ERVW-1: variants seen among roughly 807,000 people sequenced by gnomAD.
ERVW-1 encodes the protein endogenous retrovirus group W member 1, envelope, also known as syncytin-1.
In ERVW-1, 21 loss-of-function variants were observed where a neutral mutation model predicts 16.6. The ratio of observed to expected loss-of-function variants is 1.26; its 90% CI spans 0.90 to 1.82. The LOEUF is 1.82. Among genes scored for constraint, ERVW-1 ranks in the 40% most tolerant of loss-of-function variants. The probability of loss-of-function intolerance (pLI) is 0.00; values close to 1 mark genes in which losing one functional copy is unlikely to be tolerated. For synonymous variants in ERVW-1, 161 were observed against 109.8 expected (o/e 1.47, Z -2.92); for missense variants, 412 against 300.2 (o/e 1.37, Z -2.75).
rs1361089020 is a variant in ERVW-1 at position 92,470,455 on chromosome 7, C to T, written c.-74G>A. On this transcript the variant is annotated 5_prime_UTR_variant, in exon 2 of 2. The change creates a new upstream start codon in the 5' untranslated region. Coordinates refer to ENST00000603053, the MANE Select transcript of ERVW-1 (RefSeq NM_001130925.2). Reference sequence around the variant, plus strand: ...CAGGCGCAAATCCTCTAGAGGTTCACAGGAATAGCTAGCGTTGTCTCCTGG... The same window carrying T: ...CAGGCGCAAATCCTCTAGAGGTTCATAGGAATAGCTAGCGTTGTCTCCTGG... 3 of 617,812 alleles carry T rather than the reference C, an allele frequency of 4.9e-6. No homozygotes were observed. The highest frequency in any genetic ancestry group is 8.8e-6 in the Non-Finnish European group (3 of 341,732). 38.3% of individuals were successfully genotyped at this position (617,812 alleles called of 1,614,324 possible). A position where few individuals can be genotyped will look rare whatever the true frequency, so the allele number is the denominator to read the frequency against.
At chr7:92,473,600 C>T (rs931618270) in intron 1 of ERVW-1, among the ~76,000 whole-genome samples, 4 of 151,988 alleles carry the variant, frequency 2.6e-5, no homozygotes, top group Admixed American at 6.6e-5. Context: ...GAATGTCTCT[C>T]CCTAACAAGG....
At chr7:92,474,904 T>C (rs1450108693) in intron 1 of ERVW-1, 2 of 152,154 alleles carry the variant, frequency 1.3e-5, no homozygotes, top group Admixed American at 1.3e-4. Flanking sequence ...TTGGGGAATA[T>C]TGGCACTCTT....
chr7:92,476,378 T>C (rs992132573), intron 1 of ERVW-1, among the ~76,000 whole-genome samples: 3 of 152,202 alleles, frequency 2.0e-5, no homozygotes, highest in African/African-American at 7.2e-5. Context: ...TGCGGGTTAC[T>C]GGGTTAAGGA....
chr7:92,472,741 G>A (rs1790395803), intron 1 of ERVW-1: 1 of 152,258 alleles, frequency 6.6e-6, no homozygotes, highest in African/African-American at 2.4e-5. Context: ...GTTTTGGGAT[G>A]AGGATAAGCC....
chr7:92,472,519 A>T (rs1790388016), intron 1 of ERVW-1: 1 of 152,220 alleles, frequency 6.6e-6, no homozygotes, highest in Non-Finnish European at 1.5e-5. Context: ...ACATATGAAG[A>T]AAAGTCTTGC....
At chr7:92,473,237 C>T (rs1373063891) in intron 1 of ERVW-1, 5 of 152,162 alleles carry the variant, frequency 3.3e-5, no homozygotes. Context: ...GAACAACAGC[C>T]TCATTGATAA....
In ERVW-1 at chr7:92,470,329, G is replaced by A; in HGVS notation, c.53C>T (p.Thr18Ile). The change falls in exon 2 of 2, where the codon ACT becomes ATT. Residue 18 changes from threonine to isoleucine, a missense_variant. Transcript: ENST00000603053. ...GCGGCATGGAGGGGGTGCAGTGAGAGTGAAAGAGGGTAAAAGAACAGTAAA... is the reference window on the plus strand; with the variant it reads ...GCGGCATGGAGGGGGTGCAGTGAGAATGAAAGAGGGTAAAAGAACAGTAAA... The part of the protein sequence containing the change: ...FLFTVLLPSF[T>I]LTAPPPCRCM... 1.3e-6 allele frequency: 1 copy of A among 761,378 alleles called. No homozygotes were observed. Among genetic ancestry groups the A allele is most frequent in the South Asian group, 1.4e-5 (1 of 71,676 alleles). The allele number at this position is 761,378 out of a possible 1,614,324, so 47.2% of individuals were successfully genotyped here. A position where few individuals can be genotyped will look rare whatever the true frequency, so the allele number is the denominator to read the frequency against.
rs145038161 is a variant in ERVW-1, at chr7:92,475,619, C to T, written c.-228+1763G>A. Among the ~76,000 whole-genome samples the T allele has an allele frequency of 1.5e-3, 232 of 150,364 alleles. 1 individual carries two copies. The highest frequency in any genetic ancestry group is 3.5e-3 in the Middle Eastern group (1 of 284). On this transcript the variant is annotated intron_variant, in intron 1 of 1. Transcript: ENST00000603053. ...TAACCACCCATGGACCTCTGTTTAT[C>T]GGATTAGTTATGCTTACCGATGTAG...
At chr7:92,475,922 T>G (rs1425723268) in intron 1 of ERVW-1, among the ~76,000 whole-genome samples, 2 of 152,238 alleles carry the variant, frequency 1.3e-5, no homozygotes, top group African/African-American at 4.8e-5. Context: ...CTTTAAGGCT[T>G]GGCTGAGTGC....
At position 92,477,568 on chromosome 7, in the gene ERVW-1, G is replaced by A. The variant is rs1379327995; in HGVS notation, c.-414C>T. ...TCCAAGGAATGGAATCTTGGGCCAT[G>A]TGGTAAGTGTTATAGTTCTATTAGA... On this transcript the variant is annotated 5_prime_UTR_variant, in exon 1 of 2. Transcript: ENST00000603053. The A allele has an allele frequency of 1.3e-5, 2 of 152,804 alleles. No individual in the cohort carries two copies. Among genetic ancestry groups the A allele is most frequent in the Non-Finnish European group, 2.9e-5 (2 of 68,516 alleles). The allele number at this position is 152,804 out of a possible 1,614,324, so 9.5% of individuals were successfully genotyped here. A position where few individuals can be genotyped will look rare whatever the true frequency, so the allele number is the denominator to read the frequency against.
chr7:92,474,332 CAGA>C (rs1790457918), intron 1 of ERVW-1, among the ~76,000 whole-genome samples: 1 of 152,188 alleles, frequency 6.6e-6, no homozygotes, highest in Non-Finnish European at 1.5e-5. Context: ...AGTTGGCCTT[CAGA>C]AGAGTCAGGT....
At position 92,468,761 on chromosome 7, in the gene ERVW-1, C is replaced by G. The variant is rs779786094; in HGVS notation, c.*4G>C. 4.2e-6 allele frequency: 3 copies of G among 714,856 alleles called. No homozygotes were observed. Among genetic ancestry groups the G allele is most frequent in the Non-Finnish European group, 7.6e-6 (3 of 393,974 alleles). The allele number at this position is 714,856 out of a possible 1,614,324, so 44.3% of individuals were successfully genotyped here. ...GCTGTTGGGGAGGTTGGCCGACGAC[C>G]GCTCTAACTGCTTCCTGCTGAATTG... On this transcript the variant is annotated 3_prime_UTR_variant, in exon 2 of 2. Transcript: ENST00000603053.
At position 92,470,414 on chromosome 7, in the gene ERVW-1, G is replaced by A. The variant is rs772512939; in HGVS notation, c.-33C>T. 6.1e-6 allele frequency: 4 copies of A among 660,596 alleles called. No individual in the cohort carries two copies. Among genetic ancestry groups the A allele is most frequent in the African/African-American group, 3.6e-5 (2 of 55,292 alleles). 40.9% of individuals were successfully genotyped at this position (660,596 alleles called of 1,614,324 possible). A position where few individuals can be genotyped will look rare whatever the true frequency, so the allele number is the denominator to read the frequency against. ...TATGATTTTAGTTACTTTCCTCCTG[G>A]TTGTTGTTTGAAGAGCAGGCGCAAA... On this transcript the variant is annotated 5_prime_UTR_variant, in exon 2 of 2. Transcript: ENST00000603053.
rs754127752 is a variant in ERVW-1 at position 92,468,852 on chromosome 7, A to C, written c.1530T>G (p.Ser510=). ...RPLDRPASPR[S]DVNDIKGTPP... ...GGGTGCCTTTGATGTCATTAACATC[A>C]GATCGTGGGCTAGCAGGCCGGTCCA... Residue 510 remains serine (S), a synonymous_variant, in exon 2 of 2, where the codon TCT becomes TCG. Coordinates refer to ENST00000603053, the MANE Select transcript of ERVW-1 (RefSeq NM_001130925.2). The C allele has an allele frequency of 9.2e-6, 7 of 764,362 alleles. No homozygotes were observed. The highest frequency in any genetic ancestry group is 1.7e-5 in the Non-Finnish European group (7 of 417,852). 47.3% of individuals were successfully genotyped at this position (764,362 alleles called of 1,614,324 possible).
chr7:92,471,930 A>C (rs1790367372), intron 1 of ERVW-1: 1 of 152,184 alleles, frequency 6.6e-6, no homozygotes, highest in Non-Finnish European at 1.5e-5. Flanking sequence ...GAGGGCTATT[A>C]GTTCTGCTAG....
Position 92,470,024 on chromosome 7 carries a change from C to G in ERVW-1, c.358G>C (p.Val120Leu), listed in dbSNP as rs375431669. 1.3e-6 allele frequency: 1 copy of G among 778,726 alleles called. No individual in the cohort carries two copies. Among genetic ancestry groups the G allele is most frequent in the African/African-American group, 1.7e-5 (1 of 59,068 alleles). 48.2% of individuals were successfully genotyped at this position (778,726 alleles called of 1,614,324 possible). A position where few individuals can be genotyped will look rare whatever the true frequency, so the allele number is the denominator to read the frequency against. Reference protein sequence around the residue: ...TQTGMSDGGGVQDQAREKHVK... With the variant: ...TQTGMSDGGGLQDQAREKHVK... ...TGTTTTTCTCTTGCCTGATCTTGAACTCCACCCCCATCAGACATACCAGTT... is the reference window on the plus strand; with the variant it reads ...TGTTTTTCTCTTGCCTGATCTTGAAGTCCACCCCCATCAGACATACCAGTT... The change falls in exon 2 of 2, where the codon GTT (valine) becomes CTT (leucine). Residue 120 changes from valine to leucine, a missense_variant. Coordinates refer to ENST00000603053, the MANE Select transcript of ERVW-1 (RefSeq NM_001130925.2).
At position 92,470,147 on chromosome 7, in the gene ERVW-1, A is replaced by C. The variant is rs1396172174; in HGVS notation, c.235T>G (p.Cys79Gly). 2.6e-6 allele frequency: 2 copies of C among 778,756 alleles called. No homozygotes were observed. The highest frequency in any genetic ancestry group is 1.7e-5 in the African/African-American group (1 of 59,068). 48.2% of individuals were successfully genotyped at this position (778,756 alleles called of 1,614,324 possible). A position where few individuals can be genotyped will look rare whatever the true frequency, so the allele number is the denominator to read the frequency against. The change falls in exon 2 of 2, where the codon TGC becomes GGC. Residue 79 changes from cysteine (C) to glycine (G), a missense_variant. By Grantham distance (159) the Cys-to-Gly change is radical (BLOSUM62 -3). Transcript: ENST00000603053. ...PRNCYHSATL[C>G]MHANTHYWTG... ...CAATAATGAGTATTTGCATGCATGCAAAGAGTGGCAGAGTGATAGCAGTTG... is the reference window on the plus strand; with the variant it reads ...CAATAATGAGTATTTGCATGCATGCCAAGAGTGGCAGAGTGATAGCAGTTG...
intron 1 of ERVW-1, among the ~76,000 whole-genome samples, chr7:92,474,289 G>A (rs931626903): frequency 2.0e-5 from 3 of 152,194 alleles, no homozygotes; most frequent in African/African-American, 7.2e-5. Context: ...AATGTCTGCA[G>A]CTGACTGAGT....
At position 92,477,778 on chromosome 7, in the gene ERVW-1, C is replaced by A; in HGVS notation, c.-624G>T. ...CTGCAGGATCCAGAGGGATGGGAGT[C>A]AGCGGCAGGTCTGCGGTGGTGGCAA... On this transcript the variant is annotated 5_prime_UTR_variant, in exon 1 of 2. The change abolishes the stop of an existing upstream ORF in the 5' untranslated region. Transcript: ENST00000603053. 1 of 182,072 alleles carries A rather than the reference C, an allele frequency of 5.5e-6. No homozygotes were observed. The highest frequency in any genetic ancestry group is 1.5e-4 in the South Asian group (1 of 6,774). The allele number at this position is 182,072 out of a possible 1,614,324, so 11.3% of individuals were successfully genotyped here. A position where few individuals can be genotyped will look rare whatever the true frequency, so the allele number is the denominator to read the frequency against.
Sources: gnomAD v4.1 joint callset for allele counts (sites outside exome capture counted in the v4.1 genomes callset) on GRCh38, gnomAD v4.1.1 for gene constraint, MANE v1.5 for transcripts, NCBI Gene and HGNC (gene_info 2026-07-23, HGNC 2026-07-21) for gene names.